MARK4: variants seen among roughly 807,000 people sequenced by gnomAD.
MARK4 encodes the protein MAP/microtubule affinity-regulating kinase 4.
Under a neutral mutation model 81.5 loss-of-function variants are expected in MARK4, and 19 were observed. The observed-to-expected ratio is 0.23, with a 90% confidence interval of 0.16 to 0.34. MARK4 has a LOEUF of 0.34. Ranked by LOEUF, MARK4 falls within the 10% of genes least tolerant of loss-of-function variation. MARK4 has a pLI of 1.00. For synonymous variants in MARK4, 436 were observed against 439.0 expected (o/e 0.99, Z 0.08); for missense variants, 772 against 1,058.8 (o/e 0.73, Z 3.76).
chr19:45,278,743 A>G (rs1970634629), intron 10 of MARK4, 128 bp downstream of exon 10: 1 of 697,448 alleles, frequency 1.4e-6, no homozygotes, highest in Non-Finnish European at 2.4e-6. Flanking sequence ...AGCTGGGACC[A>G]CAGGCGCCTG....
Position 45,302,223 on chromosome 19 carries a change from C to A in MARK4, c.1923-151C>A. On this transcript the variant is annotated intron_variant, in intron 16 of 16. Coordinates refer to ENST00000262891, the MANE Select transcript of MARK4 (RefSeq NM_001199867.2). The surrounding 1 kb of genome is among the most constrained non-coding windows in gnomAD (Gnocchi z 4.9). ...GGTCTCTAGCTGGGCAGCTCTGTAT[C>A]CAGTTGAAACTGTCGCTGGGGTAAC... The A allele has an allele frequency of 6.6e-7, 1 of 1,513,864 alleles. No individual in the cohort carries two copies. The highest frequency in any genetic ancestry group is 1.9e-5 in the Admixed American group (1 of 51,664). The allele number at this position is 1,513,864 out of a possible 1,614,324, so 93.8% of individuals were successfully genotyped here. A position where few individuals can be genotyped will look rare whatever the true frequency, so the allele number is the denominator to read the frequency against.
chr19:45,300,746 G>C (rs533968989), intron 16 of MARK4, among the ~76,000 whole-genome samples: 175 of 152,244 alleles, frequency 1.1e-3, no homozygotes, highest in Non-Finnish European at 1.9e-3. Context: ...AAACTGCCAG[G>C]GCTGACTCTC....
intron 12 of MARK4, among the ~76,000 whole-genome samples, chr19:45,283,365 C>T (rs900231831): frequency 2.7e-5 from 4 of 146,038 alleles, no homozygotes; most frequent in African/African-American, 1.0e-4. Context: ...GCTGAGATCG[C>T]GCCACTACAC....
At chr19:45,267,132 C>T (rs537423233) in intron 7 of MARK4, among the ~76,000 whole-genome samples, 14 of 152,202 alleles carry the variant, frequency 9.2e-5, no homozygotes, top group African/African-American at 3.1e-4. Context: ...CATCTCAGCT[C>T]GCTGCAACCT....
At chr19:45,279,415 G>A (rs1970643447) in intron 10 of MARK4, among the ~76,000 whole-genome samples, 1 of 152,208 alleles carries the variant, frequency 6.6e-6, no homozygotes, top group Non-Finnish European at 1.5e-5. Flanking sequence ...TCCTCTGGAG[G>A]CTGAGGCACG....
intron 14 of MARK4, among the ~76,000 whole-genome samples, chr19:45,297,106 T>C (rs1370245424): frequency 1.3e-5 from 2 of 150,904 alleles, no homozygotes; most frequent in African/African-American, 2.4e-5. Flanking sequence ...TAATCCCAGC[T>C]ACTCAGGAGG....
Position 45,258,996 on chromosome 19 carries a change from C to T in MARK4, c.59C>T (p.Thr20Ile), listed in dbSNP as rs760686813. 9 of 1,612,372 alleles carry T rather than the reference C, an allele frequency of 5.6e-6. No individual in the cohort carries two copies. The highest frequency in any genetic ancestry group is 4.0e-5 in the African/African-American group (3 of 74,880). Reference protein sequence around the residue: ...GNDRNSDTHGTLGSGRSSDKG... With the variant: ...GNDRNSDTHGILGSGRSSDKG... ...TCCATCTCCCCCGCCCAGCATGGCA[C>T]CTTGGGCAGTGGCCGCTCCTCGGAC... Residue 20 changes from threonine (T) to isoleucine (I), a missense_variant, in exon 2 of 17, where the codon ACC becomes ATC. Around this residue, in one of 3 missense-constraint regions of MARK4, gnomAD observed 115 missense variants for 139.8 expected, o/e 0.82. Coordinates refer to ENST00000262891, the MANE Select transcript of MARK4 (RefSeq NM_001199867.2).
chr19:45,282,693 C>T (rs746541850), intron 12 of MARK4, among the ~76,000 whole-genome samples: 13 of 151,938 alleles, frequency 8.6e-5, no homozygotes, highest in Non-Finnish European at 1.9e-4. Context: ...GGCATGGTGG[C>T]GGGCACCTGT....
At chr19:45,264,267 C>T (rs558952917) in intron 4 of MARK4, among the ~76,000 whole-genome samples, 2 of 151,604 alleles carry the variant, frequency 1.3e-5, no homozygotes, top group Middle Eastern at 3.4e-3. Context: ...TTTGGGAGGC[C>T]GAGGCGGGTG....
rs1233135658 is a variant in MARK4, at chr19:45,302,038, T to C, written c.1923-336T>C. On this transcript the variant is annotated intron_variant, in intron 16 of 16. Transcript: ENST00000262891. The surrounding 1 kb of genome is among the most constrained non-coding windows in gnomAD (Gnocchi z 4.9). ...CATCTTCACAGTTGAGGCTGGCCTG[T>C]GCCACTGCTAAGTCCAGCTCCTGGG... Among the ~76,000 whole-genome samples, 1 of 152,178 alleles carries C rather than the reference T, an allele frequency of 6.6e-6. No homozygotes were observed. Among genetic ancestry groups the C allele is most frequent in the Non-Finnish European group, 1.5e-5 (1 of 68,018 alleles).
intron 12 of MARK4, 72 bp downstream of exon 12, chr19:45,280,806 T>G: frequency 6.3e-7 from 1 of 1,575,302 alleles, no homozygotes; most frequent in Non-Finnish European, 8.6e-7. Context: ...ACGTCAGGGT[T>G]CTCTGATTGG....
chr19:45,280,537 T>G, intron 11 of MARK4, 38 bp from the exon 12 acceptor site: 1 of 1,613,424 alleles, frequency 6.2e-7, no homozygotes, highest in Non-Finnish European at 8.5e-7. Context: ...TGGAGGGACT[T>G]GGGGTGCAGA....
chr19:45,302,419 C>G lies in MARK4; in HGVS notation c.1968C>G (p.Leu656=). ...AAACGGAAACCGCCCCCCGGCTGCT[C>G]CGATTCCCCTGGAGTGTGAAGCTGA... is the stretch of plus-strand genomic sequence containing the variant. ...WDQTETAPRL[L]RFPWSVKLTS... The change falls in exon 17 of 17, where the codon CTC becomes CTG. Residue 656 remains leucine, a synonymous_variant. Coordinates refer to ENST00000262891, the MANE Select transcript of MARK4 (RefSeq NM_001199867.2). The surrounding 1 kb of genome is among the most constrained non-coding windows in gnomAD (Gnocchi z 4.9). 1 of 1,614,156 alleles carries G rather than the reference C, an allele frequency of 6.2e-7. No homozygotes were observed. The highest frequency in any genetic ancestry group is 1.1e-5 in the South Asian group (1 of 91,086).
At chr19:45,294,945 C>G (rs1051800484) in intron 14 of MARK4, among the ~76,000 whole-genome samples, 1 of 152,074 alleles carries the variant, frequency 6.6e-6, no homozygotes, top group African/African-American at 2.4e-5. Context: ...TGCCCCCCAC[C>G]AGGGCTGTAG....
intron 7 of MARK4, among the ~76,000 whole-genome samples, chr19:45,269,665 C>G (rs1166377644): frequency 6.6e-6 from 1 of 152,102 alleles, no homozygotes; most frequent in Non-Finnish European, 1.5e-5. Flanking sequence ...AGGCTGGAGG[C>G]TTCTTCCTCC....
At chr19:45,296,544 A>G (rs1219177219) in intron 14 of MARK4, among the ~76,000 whole-genome samples, 1 of 152,230 alleles carries the variant, frequency 6.6e-6, no homozygotes, top group African/African-American at 2.4e-5. Context: ...CATTGGCCGG[A>G]GCATGGTCAC....
intron 12 of MARK4, among the ~76,000 whole-genome samples, chr19:45,282,784 A>G (rs896125532): frequency 1.7e-4 from 26 of 152,214 alleles, no homozygotes; most frequent in Admixed American, 1.5e-3. Flanking sequence ...AGATCACGCC[A>G]CTGCACTCCA....
At chr19:45,296,574 A>G (rs889834325) in intron 14 of MARK4, among the ~76,000 whole-genome samples, 1 of 152,246 alleles carries the variant, frequency 6.6e-6, no homozygotes. Flanking sequence ...TCTAGCTGCA[A>G]GAGAGTCTGG....
chr19:45,268,613 T>G (rs1048601909), intron 7 of MARK4, among the ~76,000 whole-genome samples: 33 of 150,542 alleles, frequency 2.2e-4, no homozygotes, highest in Non-Finnish European at 3.8e-4. Context: ...AAAATTAGCT[T>G]GTATGCCTGT....
Sources: gnomAD v4.1 joint callset for allele counts (sites outside exome capture counted in the v4.1 genomes callset) on GRCh38, gnomAD v4.1.1 for gene constraint, gnomAD v4.1.1 regional missense constraint, Gnocchi (gnomAD v3.1) non-coding constraint, MANE v1.5 for transcripts, NCBI Gene and HGNC (gene_info 2026-07-23, HGNC 2026-07-21) for gene names.